The following SHQ1 variants were observed in gnomAD, a reference collection of about 807,000 sequenced individuals.
SHQ1 encodes the protein protein SHQ1 homolog.
A neutral mutation model predicts 53.8 loss-of-function variants in SHQ1; 49 were observed. That is an observed-to-expected ratio of 0.91 (90% confidence interval 0.72 to 1.16). The LOEUF (loss-of-function observed/expected upper bound fraction) is 1.16, where lower values mean the gene tolerates loss of function less well. SHQ1 is among the 50% of genes most tolerant of loss of function. SHQ1 has a pLI of 0.00. For synonymous variants in SHQ1, 243 were observed against 251.0 expected (o/e 0.97, Z 0.30); for missense variants, 738 against 683.1 (o/e 1.08, Z -0.90).
chr3:72,814,275 A>C (rs1341736835), intron 8 of SHQ1, among the ~76,000 whole-genome samples: 1 of 152,220 alleles, frequency 6.6e-6, no homozygotes, highest in Non-Finnish European at 1.5e-5. Flanking sequence ...AAATGCTAAC[A>C]CAGAAACCGA....
chr3:72,847,087 G>C (rs1708359237), intron 1 of SHQ1, among the ~76,000 whole-genome samples: 1 of 152,120 alleles, frequency 6.6e-6, no homozygotes, highest in Non-Finnish European at 1.5e-5. Flanking sequence ...CCAGTGAAAA[G>C]TACATGAGGG....
chr3:72,735,873 A>G, the SHQ1 span, among the ~76,000 whole-genome samples: 1 of 150,790 alleles, frequency 6.6e-6, no homozygotes, highest in Admixed American at 6.6e-5. Context: ...AGTCTCAAAC[A>G]ATGTCAAATG....
intron 9 of SHQ1, 24 bp from the exon 10 acceptor site, chr3:72,793,060 A>T (rs1706491640): frequency 6.3e-7 from 1 of 1,579,514 alleles, no homozygotes; most frequent in African/African-American, 1.4e-5. Flanking sequence ...AAAAAACATA[A>T]AATTATCCTT....
intron 9 of SHQ1, among the ~76,000 whole-genome samples, chr3:72,808,748 C>T (rs544597283): frequency 6.6e-6 from 1 of 151,988 alleles, no homozygotes; most frequent in African/African-American, 2.4e-5. Flanking sequence ...GTGCCATCCA[C>T]CTGTATGTAT....
rs774542860 is a variant in SHQ1 at position 72,817,376 on chromosome 3, A to G, written c.736T>C (p.Ser246Pro). 4 of 1,608,616 alleles carry G rather than the reference A, an allele frequency of 2.5e-6. No individual in the cohort carries two copies. The East Asian group carries it at 6.7e-5, about 27-fold the overall frequency. Residue 246 changes from serine to proline, a missense_variant, in exon 7 of 11, where the codon TCT becomes CCT. Coordinates refer to ENST00000325599, the MANE Select transcript of SHQ1 (RefSeq NM_018130.3). ...QENHATLVSFSEEEKYQLRKF... is the reference protein window; with the variant it reads ...QENHATLVSFPEEEKYQLRKF... Reference sequence around the variant, plus strand: ...CGTAGCTGATACTTCTCTTCTTCAGAAAAAGACACTAGAAGAAAACGCATT... The same window carrying G: ...CGTAGCTGATACTTCTCTTCTTCAGGAAAAGACACTAGAAGAAAACGCATT...
rs1575748906 is a variant in SHQ1 at position 72,848,342 on chromosome 3, G to A, written c.-2C>T. On this transcript the variant is annotated 5_prime_UTR_variant, in exon 1 of 11. Transcript: ENST00000325599. Reference sequence around the variant, plus strand: ...GAGGTCGAACGCCGGGGTCAGCATCGCCGCACCGGACGCAAGGGCCGGCGC... The same window carrying A: ...GAGGTCGAACGCCGGGGTCAGCATCACCGCACCGGACGCAAGGGCCGGCGC... 4 of 1,613,704 alleles carry A rather than the reference G, an allele frequency of 2.5e-6. No individual in the cohort carries two copies. Among genetic ancestry groups the A allele is most frequent in the Middle Eastern group, 1.7e-4 (1 of 6,058 alleles).
At chr3:72,765,547 A>ATT (rs1705704056) in intron 10 of SHQ1, among the ~76,000 whole-genome samples, 1 of 95,290 alleles carries the variant, frequency 1.0e-5, no homozygotes, top group African/African-American at 7.0e-5. Context: ...ATATATATAT[A>ATT]TATATATATA....
chr3:72,734,990 G>C, the SHQ1 span, among the ~76,000 whole-genome samples: 1 of 151,544 alleles, frequency 6.6e-6, no homozygotes, highest in South Asian at 2.1e-4. Context: ...TTTCTCAGTG[G>C]GGTTCCTGCC....
chr3:72,748,443 C>T (rs1259386884), downstream of SHQ1, among the ~76,000 whole-genome samples: 3 of 150,718 alleles, frequency 2.0e-5, no homozygotes, highest in Non-Finnish European at 4.4e-5. Context: ...GTAATCCCAG[C>T]ACTTTGGGAG....
At chr3:72,740,186 A>G in the SHQ1 span, among the ~76,000 whole-genome samples, 696 of 152,322 alleles carry the variant, frequency 4.6e-3, 6 homozygotes, top group African/African-American at 0.015. Flanking sequence ...TGACTCAGAC[A>G]AAGCCAACCA....
At chr3:72,756,254 T>C (rs2106709115) in intron 10 of SHQ1, among the ~76,000 whole-genome samples, 1 of 152,222 alleles carries the variant, frequency 6.6e-6, no homozygotes, top group Non-Finnish European at 1.5e-5. Flanking sequence ...AGTTATAGTA[T>C]ATGTTTTTTG....
chr3:72,742,375 T>C, the SHQ1 span, among the ~76,000 whole-genome samples: 1 of 152,104 alleles, frequency 6.6e-6, no homozygotes, highest in East Asian at 1.9e-4. Context: ...TTGAGAGCAA[T>C]TGCTGCCAGT....
chr3:72,848,314 G>T lies in SHQ1; in HGVS notation c.27C>A (p.Ser9Arg). Residue 9 changes from serine to arginine, a missense_variant, in exon 1 of 11, where the codon AGC becomes AGA. Ser to Arg is a moderately radical substitution (Grantham distance 110). Transcript: ENST00000325599. MLTPAFDLSQDPDFLTIAI... is the reference protein window; with the variant it reads MLTPAFDLRQDPDFLTIAI... ...CGATAGTCAGGAAGTCCGGATCCTG[G>T]CTGAGGTCGAACGCCGGGGTCAGCA... 2 of 1,614,158 alleles carry T rather than the reference G, an allele frequency of 1.2e-6. No individual in the cohort carries two copies. Among genetic ancestry groups the T allele is most frequent in the Non-Finnish European group, 1.7e-6 (2 of 1,180,018 alleles).
Position 72,750,536 on chromosome 3 carries a change from G to C in SHQ1, c.1482C>G (p.Pro494=), listed in dbSNP as rs1024062592. 1.2e-6 allele frequency: 2 copies of C among 1,614,064 alleles called. No individual in the cohort carries two copies. The highest frequency in any genetic ancestry group is 2.7e-5 in the African/African-American group (2 of 74,916). Residue 494 remains proline, a synonymous_variant, in exon 11 of 11, where the codon CCC becomes CCG. Coordinates refer to ENST00000325599, the MANE Select transcript of SHQ1 (RefSeq NM_018130.3). ...PSETVSSLQG[P]FLEESSAFLI... The stretch of plus-strand genomic sequence containing the variant: ...GAAAGGCACTGCTTTCTTCAAGAAA[G>C]GGACCTTGCAAAGAACTGACTGTCT...
At chr3:72,808,653 A>C (rs562421824) in intron 9 of SHQ1, among the ~76,000 whole-genome samples, 2 of 152,310 alleles carry the variant, frequency 1.3e-5, no homozygotes, top group African/African-American at 4.8e-5. Flanking sequence ...TATTATTAAC[A>C]AACTAGCCAA....
intron 4 of SHQ1, among the ~76,000 whole-genome samples, chr3:72,833,034 C>T (rs1707868820): frequency 6.6e-6 from 1 of 152,054 alleles, no homozygotes; most frequent in East Asian, 1.9e-4. Flanking sequence ...GTTAAGCAGC[C>T]CTATTCCAAT....
At chr3:72,737,865 T>G in the SHQ1 span, among the ~76,000 whole-genome samples, 1 of 152,226 alleles carries the variant, frequency 6.6e-6, no homozygotes, top group Non-Finnish European at 1.5e-5. Flanking sequence ...ACAAATGAAG[T>G]GCACCAGAGG....
chr3:72,764,409 A>C (rs1394389375), intron 10 of SHQ1, among the ~76,000 whole-genome samples: 1 of 152,178 alleles, frequency 6.6e-6, no homozygotes, highest in Admixed American at 6.5e-5. Flanking sequence ...GCCAGACTTG[A>C]CAACAGTTCT....
chr3:72,739,590 A>G, the SHQ1 span, among the ~76,000 whole-genome samples: 3 of 152,138 alleles, frequency 2.0e-5, no homozygotes, highest in Non-Finnish European at 4.4e-5. Flanking sequence ...TATACTGGAG[A>G]CAGTATCGGC....
Sources: gnomAD v4.1 joint callset for allele counts (sites outside exome capture counted in the v4.1 genomes callset) on GRCh38, gnomAD v4.1.1 for gene constraint, MANE v1.5 for transcripts, NCBI Gene and HGNC (gene_info 2026-07-23, HGNC 2026-07-21) for gene names.